Variants in EEFSEC observed in about 807,000 individuals in gnomAD.
The protein encoded by EEFSEC is eukaryotic elongation factor, selenocysteine-tRNA specific.
In EEFSEC, 43 loss-of-function variants were observed where a neutral mutation model predicts 42.1. The ratio of observed to expected loss-of-function variants is 1.02; its 90% confidence interval spans 0.80 to 1.32. The LOEUF (loss-of-function observed/expected upper bound fraction) is 1.32, where lower values mean the gene tolerates loss of function less well. EEFSEC is among the 40% of genes most tolerant of loss of function. The probability of loss-of-function intolerance (pLI) is 0.00; values close to 1 mark genes in which losing one functional copy is unlikely to be tolerated. For missense variants in EEFSEC, 745 were observed against 803.6 expected (o/e 0.93, Z 0.88); for synonymous variants, 354 against 339.1 (o/e 1.04, Z -0.48).
At chr3:128,301,061 T>C (rs2066762345) in intron 4 of EEFSEC, among the ~76,000 whole-genome samples, 1 of 152,216 alleles carries the variant, frequency 6.6e-6, no homozygotes, top group Non-Finnish European at 1.5e-5. Context: ...GCTCCATCGA[T>C]GGAGAAGAAC....
At chr3:128,193,837 G>A (rs2065552677) in intron 1 of EEFSEC, among the ~76,000 whole-genome samples, 2 of 152,216 alleles carry the variant, frequency 1.3e-5, no homozygotes, top group Admixed American at 6.5e-5. Context: ...TCCAGAGGAG[G>A]AGGGACTCTG....
chr3:128,229,980 C>T (rs940717800), intron 1 of EEFSEC, among the ~76,000 whole-genome samples: 2 of 151,796 alleles, frequency 1.3e-5, no homozygotes, highest in Admixed American at 1.3e-4. Context: ...TTTCCTTTTC[C>T]TTTCATTCTC....
chr3:128,314,687 T>C (rs1274659846), intron 4 of EEFSEC, among the ~76,000 whole-genome samples: 1 of 152,214 alleles, frequency 6.6e-6, no homozygotes, highest in Non-Finnish European at 1.5e-5. Context: ...ATGAAGGCTG[T>C]CCTGGGCATT....
At chr3:128,344,068 G>A (rs1444623114) in intron 5 of EEFSEC, among the ~76,000 whole-genome samples, 2 of 152,214 alleles carry the variant, frequency 1.3e-5, no homozygotes, top group Non-Finnish European at 2.9e-5. Flanking sequence ...AAAGGGCATG[G>A]GTGCCCAGGC....
chr3:128,222,636 A>G (rs1001224160), intron 1 of EEFSEC, among the ~76,000 whole-genome samples: 8 of 152,198 alleles, frequency 5.3e-5, no homozygotes, highest in African/African-American at 1.9e-4. Context: ...TGATGAATGT[A>G]TGCACTGTGT....
rs554501047 is a variant in EEFSEC at position 128,265,051 on chromosome 3, C to T, written c.786+270C>T. 3.3e-5 allele frequency among the ~76,000 whole-genome samples: 5 copies of T among 152,262 alleles called. No individual in the cohort carries two copies. The South Asian group carries it at 6.2e-4, about 19-fold the overall frequency. ...CTCAAGGAGGTGTTCCCAAGTAGGT[C>T]TTCTGTGTAGATAAAGAAACTGAGG... On this transcript the variant is annotated intron_variant, in intron 4 of 6. Coordinates refer to ENST00000254730, the MANE Select transcript of EEFSEC (RefSeq NM_021937.5).
chr3:128,153,715 G>C lies in EEFSEC; in HGVS notation c.208G>C (p.Glu70Gln), dbSNP rs761839536. ...CGCGCGCCTGCGGTCGTCTTTGCCC[G>C]AGTTCCAGGCAGCGCCCGAGGCCGA... Reference protein sequence around the residue: ...LPARLRSSLPEFQAAPEAEPE... With the variant: ...LPARLRSSLPQFQAAPEAEPE... The change falls in exon 1 of 7, where the codon GAG (glutamate) becomes CAG (glutamine). Residue 70 changes from glutamate to glutamine, a missense_variant. Glu to Gln is a conservative substitution (Grantham distance 29, BLOSUM62 2). Coordinates refer to ENST00000254730, the MANE Select transcript of EEFSEC (RefSeq NM_021937.5). 6.3e-7 allele frequency: 1 copy of C among 1,584,930 alleles called. No homozygotes were observed. Among genetic ancestry groups the C allele is most frequent in the South Asian group, 1.1e-5 (1 of 88,542 alleles).
At chr3:128,154,342 C>T (rs773047200) in intron 1 of EEFSEC, among the ~76,000 whole-genome samples, 4 of 152,146 alleles carry the variant, frequency 2.6e-5, no homozygotes, top group African/African-American at 4.8e-5. Flanking sequence ...CGATTTCACT[C>T]AACATTGTGT....
At chr3:128,333,690 G>A (rs1262849982) in intron 4 of EEFSEC, among the ~76,000 whole-genome samples, 3 of 152,258 alleles carry the variant, frequency 2.0e-5, no homozygotes, top group Non-Finnish European at 4.4e-5. Flanking sequence ...CACTTCAGTT[G>A]AGTGCCTACT....
intron 1 of EEFSEC, among the ~76,000 whole-genome samples, chr3:128,225,809 C>T (rs573082774): frequency 1.8e-3 from 276 of 152,244 alleles, no homozygotes; most frequent in Non-Finnish European, 3.1e-3. Flanking sequence ...GCTCTGAGCA[C>T]CTGCAGGTTT....
chr3:128,392,595 T>C (rs1247459134), intron 6 of EEFSEC, among the ~76,000 whole-genome samples: 2 of 152,214 alleles, frequency 1.3e-5, no homozygotes, highest in Non-Finnish European at 2.9e-5. Context: ...CTCAGTGCCA[T>C]TGCTGCTGCC....
chr3:128,170,137 C>T (rs1011185384), intron 1 of EEFSEC, among the ~76,000 whole-genome samples: 5 of 152,034 alleles, frequency 3.3e-5, no homozygotes, highest in Non-Finnish European at 7.4e-5. Context: ...CCTCACCCCC[C>T]GCCCCGCCTC....
chr3:128,404,426 G>A (rs1349130735), intron 6 of EEFSEC, among the ~76,000 whole-genome samples: 2 of 152,246 alleles, frequency 1.3e-5, no homozygotes, highest in Admixed American at 1.3e-4. Flanking sequence ...CGGGTGAGAT[G>A]GACTGCCGAT....
intron 5 of EEFSEC, among the ~76,000 whole-genome samples, chr3:128,356,550 G>A (rs774399051): frequency 6.6e-6 from 1 of 152,196 alleles, no homozygotes; most frequent in Non-Finnish European, 1.5e-5. Context: ...TCCGCCTGGT[G>A]TGTGTGTAGA....
Position 128,393,759 on chromosome 3 carries a change from A to G in EEFSEC, c.1601-14310A>G, listed in dbSNP as rs1437255560. On this transcript the variant is annotated intron_variant, in intron 6 of 6. Transcript: ENST00000254730. Reference sequence around the variant, plus strand: ...CCAGGGGGCTACTGCAGAGAGCCCGAGTCCATGGCTGGTGAGCCAAGAGGC... The same window carrying G: ...CCAGGGGGCTACTGCAGAGAGCCCGGGTCCATGGCTGGTGAGCCAAGAGGC... Among the ~76,000 whole-genome samples the G allele has an allele frequency of 2.0e-5, 3 of 152,268 alleles. No homozygotes were observed. In the East Asian group the frequency reaches 5.8e-4, roughly 29 times the overall value.
At chr3:128,401,300 C>T (rs1415911989) in intron 6 of EEFSEC, among the ~76,000 whole-genome samples, 1 of 152,218 alleles carries the variant, frequency 6.6e-6, no homozygotes. Context: ...GTCCTGCACC[C>T]CTGCTGTGAG....
At chr3:128,211,585 G>A (rs549456314) in intron 1 of EEFSEC, among the ~76,000 whole-genome samples, 30 of 149,826 alleles carry the variant, frequency 2.0e-4, no homozygotes, top group African/African-American at 5.7e-4. Flanking sequence ...GTGTGATCTC[G>A]GCTCACTGCA....
At chr3:128,405,108 C>A (rs550778084) in intron 6 of EEFSEC, among the ~76,000 whole-genome samples, 1 of 152,156 alleles carries the variant, frequency 6.6e-6, no homozygotes, top group African/African-American at 2.4e-5. Flanking sequence ...GCTCCACCTC[C>A]CTGGTTCATG....
chr3:128,194,389 T>A (rs980102726), intron 1 of EEFSEC, among the ~76,000 whole-genome samples: 2 of 152,198 alleles, frequency 1.3e-5, no homozygotes, highest in African/African-American at 4.8e-5. Flanking sequence ...GGTCAGATGC[T>A]TTTGGGGTGG....
Sources: allele counts gnomAD v4.1 joint callset (sites outside exome capture counted in the v4.1 genomes callset), GRCh38; gene constraint gnomAD v4.1.1; transcripts MANE v1.5; gene names NCBI Gene and HGNC (gene_info 2026-07-23, HGNC 2026-07-21).